AFG1L: variants seen among roughly 807,000 people sequenced by gnomAD.
AFG1L encodes AFG1-like ATPase.
In AFG1L, 53 loss-of-function variants were observed where a neutral mutation model predicts 62.2. That is an observed-to-expected ratio of 0.85 (90% CI 0.68 to 1.07). The LOEUF is 1.07. AFG1L is among the 50% of genes least tolerant of loss of function. The pLI is 0.00. For missense variants in AFG1L, 555 were observed against 590.5 expected (o/e 0.94, Z 0.62); for synonymous variants, 228 against 210.3 (o/e 1.08, Z -0.73).
chr6:108,463,893 G>A (rs118064306), intron 8 of AFG1L, among the ~76,000 whole-genome samples: 12 of 152,258 alleles, frequency 7.9e-5, no homozygotes, highest in Non-Finnish European at 1.3e-4. Flanking sequence ...TTTTAGACCT[G>A]CCTCCAGCCC....
rs559446057 is a variant in AFG1L at position 108,488,766 on chromosome 6, G to A, written c.1062+11474G>A. Among the ~76,000 whole-genome samples the A allele has an allele frequency of 9.9e-5, 15 of 152,064 alleles. No homozygotes were observed. In the South Asian group the frequency reaches 2.7e-3, roughly 27 times the overall value. On this transcript the variant is annotated intron_variant, in intron 10 of 12. Coordinates refer to ENST00000368977, the MANE Select transcript of AFG1L (RefSeq NM_145315.5). Reference sequence around the variant, plus strand: ...ATCTATAATCTCAGCTACTCGGGAGGCTGAGGCATGAGAATCACTTGTACC... The same window carrying A: ...ATCTATAATCTCAGCTACTCGGGAGACTGAGGCATGAGAATCACTTGTACC...
At chr6:108,407,326 A>G (rs1393117537) in intron 7 of AFG1L, among the ~76,000 whole-genome samples, 1 of 152,048 alleles carries the variant, frequency 6.6e-6, no homozygotes, top group Non-Finnish European at 1.5e-5. Context: ...TGGGGGCCTC[A>G]TTTGTATATT....
chr6:108,411,846 G>A lies in AFG1L; in HGVS notation c.807+9792G>A, dbSNP rs139838080. 8.0e-3 allele frequency among the ~76,000 whole-genome samples: 1,220 copies of A among 152,306 alleles called. 12 individuals are homozygous for A. The highest frequency in any genetic ancestry group is 0.014 in the Non-Finnish European group (944 of 68,034). On this transcript the variant is annotated intron_variant, in intron 7 of 12. Coordinates refer to ENST00000368977, the MANE Select transcript of AFG1L (RefSeq NM_145315.5). ...AGCTGAAAATGCTAAAAATCAGAGC[G>A]CCTCTTCTCCTCCAAAGGAACGCAG...
intron 2 of AFG1L, among the ~76,000 whole-genome samples, chr6:108,336,093 A>G (rs776221015): frequency 2.1e-4 from 32 of 152,212 alleles, no homozygotes; most frequent in Admixed American, 3.9e-4. Flanking sequence ...GGGTGCTAAT[A>G]TATAGTTCAG....
At chr6:108,446,341 A>G (rs1308536757) in intron 7 of AFG1L, among the ~76,000 whole-genome samples, 2 of 152,096 alleles carry the variant, frequency 1.3e-5, no homozygotes, top group Non-Finnish European at 2.9e-5. Flanking sequence ...GCGCACTGAA[A>G]TGTTGGTGGC....
chr6:108,295,099 T>G lies in AFG1L; in HGVS notation c.20T>G (p.Leu7Arg). 6.2e-7 allele frequency: 1 copy of G among 1,611,462 alleles called. No homozygotes were observed. The highest frequency in any genetic ancestry group is 8.5e-7 in the Non-Finnish European group (1 of 1,179,962). MAASWS[L>R]LVTLRPLAQS... Reference sequence around the variant, plus strand: ...TTCAAGATGGCGGCCTCCTGGTCGCTCTTGGTTACCCTGCGCCCCTTAGCA... The same window carrying G: ...TTCAAGATGGCGGCCTCCTGGTCGCGCTTGGTTACCCTGCGCCCCTTAGCA... The change falls in exon 1 of 13, where the codon CTC (leucine) becomes CGC (arginine). Residue 7 changes from leucine (L) to arginine (R), a missense_variant. Coordinates refer to ENST00000368977, the MANE Select transcript of AFG1L (RefSeq NM_145315.5).
chr6:108,471,474 T>C (rs867255527), intron 8 of AFG1L, among the ~76,000 whole-genome samples: 85 of 114,152 alleles, frequency 7.4e-4, no homozygotes, highest in East Asian at 1.0e-3. Context: ...TCTTCTTTTT[T>C]TTTTTTTTTT....
chr6:108,409,238 A>G (rs913671526), intron 7 of AFG1L, among the ~76,000 whole-genome samples: 4 of 152,186 alleles, frequency 2.6e-5, no homozygotes, highest in Non-Finnish European at 4.4e-5. Context: ...CTTTTCTAAG[A>G]TTTCTGGAAT....
chr6:108,316,104 G>A (rs1777579987), intron 1 of AFG1L, among the ~76,000 whole-genome samples: 1 of 151,826 alleles, frequency 6.6e-6, no homozygotes, highest in South Asian at 2.1e-4. Context: ...AAAGTTGGCC[G>A]GGCGCGGTGG....
chr6:108,398,227 G>A (rs1781402773), intron 6 of AFG1L, among the ~76,000 whole-genome samples: 2 of 152,088 alleles, frequency 1.3e-5, no homozygotes, highest in South Asian at 4.1e-4. Flanking sequence ...TTTTTTGTTT[G>A]CCTGTTTGCT....
chr6:108,368,700 C>G (rs1391587626), intron 6 of AFG1L, among the ~76,000 whole-genome samples: 4 of 152,074 alleles, frequency 2.6e-5, no homozygotes, highest in Admixed American at 6.6e-5. Flanking sequence ...AAGCTATGCT[C>G]GTAAATAGCA....
At chr6:108,502,776 A>T (rs987796917) in intron 10 of AFG1L, among the ~76,000 whole-genome samples, 3 of 152,228 alleles carry the variant, frequency 2.0e-5, no homozygotes, top group African/African-American at 7.2e-5. Flanking sequence ...ATTTCTTTCT[A>T]GCAAGTGATG....
intron 10 of AFG1L, 69 bp downstream of exon 10, chr6:108,477,361 T>A: frequency 1.2e-6 from 1 of 862,080 alleles, no homozygotes; most frequent in Non-Finnish European, 1.8e-6. Flanking sequence ...TTTTCCTCTC[T>A]GCCCATTTCA....
At chr6:108,435,954 A>T (rs925438603) in intron 7 of AFG1L, among the ~76,000 whole-genome samples, 11 of 152,192 alleles carry the variant, frequency 7.2e-5, no homozygotes, top group Admixed American at 7.2e-4. Context: ...TGTGTGCTAG[A>T]TAGTAACTGC....
At chr6:108,309,398 G>A (rs1406990821) in intron 1 of AFG1L, among the ~76,000 whole-genome samples, 1 of 152,130 alleles carries the variant, frequency 6.6e-6, no homozygotes, top group Non-Finnish European at 1.5e-5. Context: ...TTTATAATAA[G>A]TTTTAATATC....
intron 7 of AFG1L, among the ~76,000 whole-genome samples, chr6:108,438,296 T>C (rs1771398729): frequency 6.6e-6 from 1 of 152,196 alleles, no homozygotes; most frequent in African/African-American, 2.4e-5. Context: ...GTTGGCAGGT[T>C]TGGTCTCTCC....
At chr6:108,332,633 C>T (rs368594637) in intron 2 of AFG1L, among the ~76,000 whole-genome samples, 147 of 152,006 alleles carry the variant, frequency 9.7e-4, no homozygotes, top group African/African-American at 3.3e-3. Context: ...TTCTTTTTTT[C>T]GAGGTAGAGT....
chr6:108,427,925 T>C (rs1770899434), intron 7 of AFG1L, among the ~76,000 whole-genome samples: 1 of 152,236 alleles, frequency 6.6e-6, no homozygotes, highest in Non-Finnish European at 1.5e-5. Context: ...AATTAAGTTA[T>C]AAAATACATT....
In AFG1L at chr6:108,514,776, G is replaced by A. The variant is rs540472984; in HGVS notation, c.1203+4424G>A. Among the ~76,000 whole-genome samples, 321 of 152,094 alleles carry A rather than the reference G, an allele frequency of 2.1e-3. 1 individual carries two copies. The highest frequency in any genetic ancestry group is 0.014 in the Middle Eastern group (4 of 294). The stretch of plus-strand genomic sequence containing the variant: ...CCATCTCACATGCAGAGACACACAT[G>A]GACTCAAAATAAAAGGATGGAGGAA... On this transcript the variant is annotated intron_variant, in intron 11 of 12. Coordinates refer to ENST00000368977, the MANE Select transcript of AFG1L (RefSeq NM_145315.5).
Sources: allele counts gnomAD v4.1 joint callset (sites outside exome capture counted in the v4.1 genomes callset), GRCh38; gene constraint gnomAD v4.1.1; transcripts MANE v1.5; gene names NCBI Gene and HGNC (gene_info 2026-07-23, HGNC 2026-07-21).